GEMIN5: variants seen among roughly 807,000 people sequenced by gnomAD.
GEMIN5 encodes the protein gem-associated protein 5.
Under a neutral mutation model 176.9 loss-of-function variants are expected in GEMIN5, and 124 were observed. The observed-to-expected ratio is 0.70, with a 90% confidence interval of 0.61 to 0.81. The LOEUF is 0.81. GEMIN5 is among the 40% of genes least tolerant of loss of function. GEMIN5 has a pLI of 0.00. For missense variants in GEMIN5, 1,843 were observed against 1,814.6 expected (o/e 1.02, Z -0.28); for synonymous variants, 673 against 665.2 (o/e 1.01, Z -0.18).
chr5:154,906,366 T>A (rs1180073174), intron 16 of GEMIN5, among the ~76,000 whole-genome samples: 1 of 152,194 alleles, frequency 6.6e-6, no homozygotes, highest in East Asian at 1.9e-4. Flanking sequence ...AAGGAGTTCC[T>A]ATACTTTGCT....
At chr5:154,892,598 G>T in intron 24 of GEMIN5, 49 bp from the exon 25 acceptor site, 3 of 1,555,800 alleles carry the variant, frequency 1.9e-6, no homozygotes, top group African/African-American at 1.4e-5. Context: ...CACGGTAGGC[G>T]CAGAGGATGC....
rs139092018 is a variant in GEMIN5 at position 154,919,599 on chromosome 5, T to C, written c.1599+368A>G. Among the ~76,000 whole-genome samples, 524 of 152,370 alleles carry C rather than the reference T, an allele frequency of 3.4e-3. 3 individuals are homozygous for C. Among genetic ancestry groups the C allele is most frequent in the African/African-American group, 0.012 (508 of 41,592 alleles). On this transcript the variant is annotated intron_variant, in intron 11 of 27. Coordinates refer to ENST00000285873, the MANE Select transcript of GEMIN5 (RefSeq NM_015465.5). The stretch of plus-strand genomic sequence containing the variant: ...CATTTGGATACTATATTATTGTTAT[T>C]TTTACCACAGCATCACTTTGGTGAA...
chr5:154,914,331 ATTT>A (rs1763770749), intron 13 of GEMIN5, among the ~76,000 whole-genome samples: 1 of 152,062 alleles, frequency 6.6e-6, no homozygotes, highest in East Asian at 2.0e-4. Context: ...TAAATAAATA[ATTT>A]TTAAAAGACT....
intron 26 of GEMIN5, 140 bp downstream of exon 26, chr5:154,891,101 G>C (rs932815266): frequency 3.7e-5 from 5 of 136,266 alleles, no homozygotes; most frequent in South Asian, 3.3e-4. Context: ...TCGCTTTTTT[G>C]CCCGGGCTGG....
chr5:154,914,738 C>T (rs191685081), intron 13 of GEMIN5, among the ~76,000 whole-genome samples: 6 of 152,150 alleles, frequency 3.9e-5, no homozygotes, highest in East Asian at 3.9e-4. Context: ...AGCCACCACA[C>T]GTAGCCTAAA....
chr5:154,918,062 C>T, intron 11 of GEMIN5, 58 bp from the exon 12 acceptor site: 6 of 1,064,004 alleles, frequency 5.6e-6, no homozygotes, highest in Non-Finnish European at 7.2e-6. Context: ...TCAGCAATGA[C>T]AGCATGAGAA....
In GEMIN5 at chr5:154,921,358, G is replaced by T. The variant is rs1460578838; in HGVS notation, c.1447C>A (p.Pro483Thr). 1 of 1,378,018 alleles carries T rather than the reference G, an allele frequency of 7.3e-7. No homozygotes were observed. Among genetic ancestry groups the T allele is most frequent in the Non-Finnish European group, 1.0e-6 (1 of 971,722 alleles). The allele number at this position is 1,378,018 out of a possible 1,614,324, so 85.4% of individuals were successfully genotyped here. A position where few individuals can be genotyped will look rare whatever the true frequency, so the allele number is the denominator to read the frequency against. Residue 483 changes from proline to threonine, a missense_variant, in exon 10 of 28, where the codon CCC (proline) becomes ACC (threonine). By Grantham distance (38) the Pro-to-Thr change is conservative. Transcript: ENST00000285873. ...AGATACTTACCAAGTGACATGGGGGGTACTGGTGGCCCCCAGGCTAAAGTA... is the reference window on the plus strand; with the variant it reads ...AGATACTTACCAAGTGACATGGGGGTTACTGGTGGCCCCCAGGCTAAAGTA... ...VYTLAWGPPVPPMSLGGEGDR... is the reference protein window; with the variant it reads ...VYTLAWGPPVTPMSLGGEGDR...
Position 154,891,412 on chromosome 5 carries a change from T to C in GEMIN5, c.4091A>G (p.His1364Arg), listed in dbSNP as rs1467960799. 1 of 1,614,186 alleles carries C rather than the reference T, an allele frequency of 6.2e-7. No homozygotes were observed. The highest frequency in any genetic ancestry group is 8.5e-7 in the Non-Finnish European group (1 of 1,180,026). ...TCTCTGTGAGTTTTGGAGACTGGCA[T>C]GCTTTTCTGAAAAGAGCTCCTTAAA... Reference protein sequence around the residue: ...STFKELFSEKHASLQNSQRTV... With the variant: ...STFKELFSEKRASLQNSQRTV... Residue 1364 changes from histidine (H) to arginine (R), a missense_variant, in exon 26 of 28, where the codon CAT (histidine) becomes CGT (arginine). By Grantham distance (29) the His-to-Arg change is conservative. Coordinates refer to ENST00000285873, the MANE Select transcript of GEMIN5 (RefSeq NM_015465.5).
intron 22 of GEMIN5, 58 bp downstream of exon 22, chr5:154,899,133 C>T: frequency 6.5e-7 from 1 of 1,528,430 alleles, no homozygotes; most frequent in South Asian, 1.3e-5. Context: ...TTCTTGTCCT[C>T]CCCTTCCTGG....
rs1764181766 is a variant in GEMIN5 at position 154,932,124 on chromosome 5, T to C, written c.636A>G (p.Leu212=). Residue 212 remains leucine (L), a synonymous_variant, in exon 4 of 28, where the codon TTA becomes TTG. Coordinates refer to ENST00000285873, the MANE Select transcript of GEMIN5 (RefSeq NM_015465.5). ...AWCPLPGEDC[L]SINQEETSEE... The stretch of plus-strand genomic sequence containing the variant: ...CTGAAGTTTCCTCTTGGTTTATAGA[T>C]AAACAATCTTCACCAGGCAGGGGAC... The C allele has an allele frequency of 6.2e-7, 1 of 1,613,766 alleles. No homozygotes were observed. Among genetic ancestry groups the C allele is most frequent in the South Asian group, 1.1e-5 (1 of 91,014 alleles).
intron 3 of GEMIN5, among the ~76,000 whole-genome samples, chr5:154,932,523 G>A (rs1764190479): frequency 6.6e-6 from 1 of 152,128 alleles, no homozygotes; most frequent in Non-Finnish European, 1.5e-5. Flanking sequence ...AAAACTCACA[G>A]TGGACCATGA....
chr5:154,893,021 C>T (rs953344907), intron 24 of GEMIN5, among the ~76,000 whole-genome samples: 4 of 151,944 alleles, frequency 2.6e-5, no homozygotes, highest in Non-Finnish European at 4.4e-5. Flanking sequence ...TGCTTGAACC[C>T]GGAAGGTGGA....
Position 154,925,976 on chromosome 5 carries a change from G to A in GEMIN5, c.1179C>T (p.Gly393=). The A allele has an allele frequency of 6.2e-7, 1 of 1,611,334 alleles. No individual in the cohort carries two copies. Among genetic ancestry groups the A allele is most frequent in the Non-Finnish European group, 8.5e-7 (1 of 1,177,502 alleles). ...YSLAFSSVDI[G]SLAIGVGDGM... is the part of the protein sequence containing the mutation. ...CATCCCCAACACCTATGGCCAAAGA[G>A]CCTATGTCCACAGAAGAGAAAGCCA... The change falls in exon 8 of 28, where the codon GGC becomes GGT. Residue 393 remains glycine, a synonymous_variant. Coordinates refer to ENST00000285873, the MANE Select transcript of GEMIN5 (RefSeq NM_015465.5).
At chr5:154,920,940 T>C (rs1295946897) in intron 10 of GEMIN5, among the ~76,000 whole-genome samples, 1 of 152,178 alleles carries the variant, frequency 6.6e-6, no homozygotes, top group Non-Finnish European at 1.5e-5. Context: ...AACTCTAAGT[T>C]TGCTTTTCCT....
intron 11 of GEMIN5, among the ~76,000 whole-genome samples, chr5:154,918,812 G>A (rs1242873701): frequency 6.6e-6 from 1 of 152,124 alleles, no homozygotes; most frequent in South Asian, 2.1e-4. Context: ...GAGGCCAAGT[G>A]GGGTGGATCA....
At chr5:154,894,600 G>C (rs180966168) in intron 24 of GEMIN5, among the ~76,000 whole-genome samples, 167 of 151,780 alleles carry the variant, frequency 1.1e-3, no homozygotes, top group Non-Finnish European at 1.8e-3. Flanking sequence ...GTGAAACCCT[G>C]TCTCTACTAA....
chr5:154,896,390 C>T (rs746586086), intron 23 of GEMIN5, 47 bp from the exon 24 acceptor site: 33 of 1,511,964 alleles, frequency 2.2e-5, no homozygotes, highest in Middle Eastern at 2.5e-4. Context: ...AGGGAAAGCA[C>T]TGGATGATCT....
intron 26 of GEMIN5, 51 bp downstream of exon 26, chr5:154,891,190 T>C (rs777316150): frequency 8.5e-5 from 129 of 1,525,714 alleles, no homozygotes; most frequent in Non-Finnish European, 7.7e-5. Flanking sequence ...CCACTGTTCC[T>C]AGCCAGCAGG....
intron 24 of GEMIN5, among the ~76,000 whole-genome samples, chr5:154,893,427 A>G (rs1763281690): frequency 6.6e-6 from 1 of 152,120 alleles, no homozygotes; most frequent in Non-Finnish European, 1.5e-5. Context: ...TCAAAAAAAA[A>G]AAATCAAAAC....
Sources: allele counts gnomAD v4.1 joint callset (sites outside exome capture counted in the v4.1 genomes callset), GRCh38; gene constraint gnomAD v4.1.1; transcripts MANE v1.5; gene names NCBI Gene and HGNC (gene_info 2026-07-23, HGNC 2026-07-21).